COL14A1: variants seen among roughly 807,000 people sequenced by gnomAD.
COL14A1 encodes the protein collagen type XIV alpha 1 chain, also known as collagen alpha-1(XIV) chain.
A neutral mutation model predicts 230.3 loss-of-function variants in COL14A1; 136 were observed. The ratio of observed to expected loss-of-function variants is 0.59; its 90% CI spans 0.51 to 0.68. COL14A1 has a LOEUF of 0.68. COL14A1 is among the 30% of genes least tolerant of loss of function. The probability of loss-of-function intolerance (pLI) is 0.00; values close to 1 mark genes in which losing one functional copy is unlikely to be tolerated. For missense variants in COL14A1, 1,976 were observed against 2,215.8 expected (o/e 0.89, Z 2.17); for synonymous variants, 792 against 784.1 (o/e 1.01, Z -0.17).
intron 1 of COL14A1, among the ~76,000 whole-genome samples, chr8:120,130,854 T>A (rs1355873840): frequency 6.6e-6 from 1 of 152,154 alleles, no homozygotes; most frequent in Non-Finnish European, 1.5e-5. Flanking sequence ...AGGTAGTTCT[T>A]CAACCCTCAC....
intron 18 of COL14A1, 147 bp from the exon 19 acceptor site, chr8:120,231,320 A>G (rs1818260375): frequency 1.3e-6 from 1 of 781,040 alleles, no homozygotes; most frequent in Non-Finnish European, 2.0e-6. Context: ...ATTAAGCACC[A>G]TAGCTGAGCC....
intron 25 of COL14A1, 158 bp downstream of exon 25, chr8:120,267,041 A>G: frequency 1.6e-6 from 1 of 616,750 alleles, no homozygotes; most frequent in South Asian, 2.0e-5. Context: ...ATGGGCTTGA[A>G]TGATATCCAT....
At chr8:120,328,581 A>G (rs1480915321) in intron 40 of COL14A1, among the ~76,000 whole-genome samples, 1 of 152,070 alleles carries the variant, frequency 6.6e-6, no homozygotes, top group African/African-American at 2.4e-5. Context: ...CCCTTTCACC[A>G]AATTAAGCTC....
chr8:120,274,663 C>T (rs1259841148), intron 26 of COL14A1, among the ~76,000 whole-genome samples: 1 of 151,786 alleles, frequency 6.6e-6, no homozygotes, highest in Non-Finnish European at 1.5e-5. Flanking sequence ...AAATCAGTAG[C>T]ACTGCTATAC....
upstream of COL14A1, among the ~76,000 whole-genome samples, chr8:120,124,804 G>A (rs1814263258): frequency 6.6e-6 from 1 of 152,182 alleles, no homozygotes; most frequent in African/African-American, 2.4e-5. Context: ...AGAGCAGGGG[G>A]CCTGGTTTGG....
intron 24 of COL14A1, among the ~76,000 whole-genome samples, 195 bp from the exon 25 acceptor site, chr8:120,266,632 C>A (rs1819507783): frequency 1.3e-5 from 2 of 151,964 alleles, no homozygotes; most frequent in South Asian, 4.1e-4. Flanking sequence ...GCATTTCAAG[C>A]CTTCAGTCTG....
intron 19 of COL14A1, among the ~76,000 whole-genome samples, chr8:120,234,664 G>A (rs145787466): frequency 5.7e-4 from 86 of 152,112 alleles, no homozygotes; most frequent in Non-Finnish European, 9.9e-4. Context: ...GGATGAAGCC[G>A]CCTTGATTGT....
Position 120,199,452 on chromosome 8 carries a change from T to A in COL14A1, c.763T>A (p.Ser255Thr). 1 of 1,610,404 alleles carries A rather than the reference T, an allele frequency of 6.2e-7. No individual in the cohort carries two copies. Among genetic ancestry groups the A allele is most frequent in the Non-Finnish European group, 8.5e-7 (1 of 1,178,866 alleles). Residue 255 changes from serine to threonine, a missense_variant, in exon 8 of 48, where the codon TCA becomes ACA. By Grantham distance (58) the Ser-to-Thr change is moderately conservative. This residue lies in a region of COL14A1 where 1,791 missense variants were observed against 2,019.5 expected (regional missense o/e 0.89). Transcript: ENST00000297848. ...FENSFKPEAG[S>T]RTGVSKIGIL... ...AAATAGCTTCAAACCAGAAGCAGGA[T>A]CAAGGACTGGAGTATCCAAAATTGG...
intron 1 of COL14A1, among the ~76,000 whole-genome samples, chr8:120,131,786 A>AGCCTGTG (rs1814535429): frequency 6.6e-6 from 1 of 151,064 alleles, no homozygotes; most frequent in Non-Finnish European, 1.5e-5. Flanking sequence ...TCACTGCCAA[A>AGCCTGTG]GCCTGTGTCT....
chr8:120,264,057 C>T (rs1819430221), intron 24 of COL14A1, among the ~76,000 whole-genome samples: 1 of 151,990 alleles, frequency 6.6e-6, no homozygotes, highest in Non-Finnish European at 1.5e-5. Context: ...TATCAGCATC[C>T]CTACAATCCA....
At chr8:120,202,028 A>C (rs1165789697) in intron 8 of COL14A1, among the ~76,000 whole-genome samples, 1 of 152,206 alleles carries the variant, frequency 6.6e-6, no homozygotes, top group East Asian at 1.9e-4. Context: ...ACTCAATGTT[A>C]TATTAATTCA....
chr8:120,304,975 A>G (rs1820814657), intron 36 of COL14A1, among the ~76,000 whole-genome samples: 1 of 151,960 alleles, frequency 6.6e-6, no homozygotes, highest in Non-Finnish European at 1.5e-5. Flanking sequence ...TACAACTGTG[A>G]AAACTTTTTT....
At chr8:120,256,294 G>T (rs16893765) in intron 23 of COL14A1, among the ~76,000 whole-genome samples, 2,313 of 152,170 alleles carry the variant, frequency 0.015, 56 homozygotes, top group African/African-American at 0.053. Flanking sequence ...ATAAGACTGG[G>T]TTTAGTAGCC....
intron 14 of COL14A1, 85 bp from the exon 15 acceptor site, chr8:120,225,003 A>G: frequency 7.6e-7 from 1 of 1,312,438 alleles, no homozygotes; most frequent in Non-Finnish European, 1.0e-6. Flanking sequence ...CTTTGCTGTC[A>G]GCTAAGCGAG....
chr8:120,212,572 C>T lies in COL14A1; in HGVS notation c.1592C>T (p.Thr531Ile). 1.9e-6 allele frequency: 3 copies of T among 1,613,288 alleles called. No individual in the cohort carries two copies. The highest frequency in any genetic ancestry group is 2.5e-6 in the Non-Finnish European group (3 of 1,179,406). The stretch of plus-strand genomic sequence containing the variant: ...AGTGATCCTGTTACGGGACAAGAAA[C>T]AACATGTGAGCAGCACAGCCATTCA... ...EASDPVTGQE[T>I]TLALSPPRNL... is the part of the protein sequence containing the mutation. Residue 531 changes from threonine to isoleucine, a missense_variant, in exon 13 of 48, where the codon ACA becomes ATA. This residue lies in a region of COL14A1 where 1,791 missense variants were observed against 2,019.5 expected (regional missense o/e 0.89). Coordinates refer to ENST00000297848, the MANE Select transcript of COL14A1 (RefSeq NM_021110.4).
Position 120,332,157 on chromosome 8 carries a change from A to T in COL14A1, c.4676A>T (p.Asp1559Val). ...TTTCGCCAGGGCCTTCCGGGAAAGGATGGATCCTCGGGACCTCCAGGACCA... is the reference window on the plus strand; with the variant it reads ...TTTCGCCAGGGCCTTCCGGGAAAGGTTGGATCCTCGGGACCTCCAGGACCA... ...SPGQRGLPGK[D>V]GSSGPPGPPG... The change falls in exon 41 of 48, where the codon GAT (aspartate) becomes GTT (valine). Residue 1559 changes from aspartate (D) to valine (V), a missense_variant. This residue lies in a region of COL14A1 where 1,791 missense variants were observed against 2,019.5 expected (regional missense o/e 0.89). Transcript: ENST00000297848. The T allele has an allele frequency of 6.2e-7, 1 of 1,614,132 alleles. No individual in the cohort carries two copies. Among genetic ancestry groups the T allele is most frequent in the Non-Finnish European group, 8.5e-7 (1 of 1,179,994 alleles).
At chr8:120,358,205 A>G (rs1823052682) in intron 45 of COL14A1, among the ~76,000 whole-genome samples, 1 of 152,200 alleles carries the variant, frequency 6.6e-6, no homozygotes, top group Non-Finnish European at 1.5e-5. Context: ...TGATAAATCA[A>G]TGGCTGATTA....
At chr8:120,338,244 CCT>C (rs1204234218) in intron 42 of COL14A1, among the ~76,000 whole-genome samples, 1 of 152,068 alleles carries the variant, frequency 6.6e-6, no homozygotes, top group African/African-American at 2.4e-5. Context: ...TAGAGTTAGT[CCT>C]TAGGCATGGT....
chr8:120,342,418 G>C lies in COL14A1; in HGVS notation c.4860G>C (p.Ala1620=). ...LQSQAMVRSV[A]RQVCEQLIQS... ...CTCAAGCCATGGTGAGATCAGTGGC[G>C]CGTCAAGTATGCGAACAGCTCATCC... Residue 1620 remains alanine (A), a synonymous_variant, in exon 44 of 48, where the codon GCG becomes GCC. Coordinates refer to ENST00000297848, the MANE Select transcript of COL14A1 (RefSeq NM_021110.4). The C allele has an allele frequency of 6.2e-7, 1 of 1,613,946 alleles. No homozygotes were observed. The highest frequency in any genetic ancestry group is 8.5e-7 in the Non-Finnish European group (1 of 1,179,884).
Sources: gnomAD v4.1 joint callset for allele counts (sites outside exome capture counted in the v4.1 genomes callset) on GRCh38, gnomAD v4.1.1 for gene constraint, gnomAD v4.1.1 regional missense constraint, MANE v1.5 for transcripts, NCBI Gene and HGNC (gene_info 2026-07-23, HGNC 2026-07-21) for gene names.